CYP2F1: variants seen among roughly 807,000 people sequenced by gnomAD.
The protein encoded by CYP2F1 is cytochrome P450 2F1.
Under a neutral mutation model 40.4 loss-of-function variants are expected in CYP2F1, and 33 were observed. That is an observed-to-expected ratio of 0.82 (90% confidence interval 0.62 to 1.09). The LOEUF (loss-of-function observed/expected upper bound fraction) is 1.09, where lower values mean the gene tolerates loss of function less well. Ranked by LOEUF, CYP2F1 falls within the 50% of genes least tolerant of loss-of-function variation. The pLI is 0.00. For synonymous variants in CYP2F1, 235 were observed against 277.2 expected, an observed-to-expected ratio of 0.85 and a Z score of 1.51; for missense variants, 566 against 655.7, an observed-to-expected ratio of 0.86 and a Z score of 1.49.
rs1167891941 is a variant in CYP2F1, at chr19:41,125,134, C to T, written c.1152+228C>T. ...ACTAGACCCCTTCACCATGACAAATCCCCTTCCTAGAACCCCTCCCTGGAA... is the reference window on the plus strand; with the variant it reads ...ACTAGACCCCTTCACCATGACAAATTCCCTTCCTAGAACCCCTCCCTGGAA... On this transcript the variant is annotated intron_variant, in intron 8 of 9. Coordinates refer to ENST00000331105, the MANE Select transcript of CYP2F1 (RefSeq NM_000774.5). 8 of 566,662 alleles carry T rather than the reference C, an allele frequency of 1.4e-5. No homozygotes were observed. In the South Asian group the frequency reaches 1.8e-4, roughly 13 times the overall value. The allele number at this position is 566,662 out of a possible 1,614,324, so 35.1% of individuals were successfully genotyped here.
Position 41,124,721 on chromosome 19 carries a change from C to G in CYP2F1, c.967C>G (p.Arg323Gly). ...CCCGCTTCCCGCTTCCTCTCCAGCC[C>G]GCGTGCAGGAGGAGATCGACCTCGT... is the stretch of plus-strand genomic sequence containing the variant. Reference protein sequence around the residue: ...ALMKYPKVQARVQEEIDLVVG... With the variant: ...ALMKYPKVQAGVQEEIDLVVG... The change falls in exon 8 of 10, where the codon CGC becomes GGC. Residue 323 changes from arginine to glycine, a missense_variant and splice_region_variant. Physicochemically the swap from Arg to Gly is moderately radical, Grantham distance 125 (BLOSUM62 -2). Around this residue, in one of 5 missense-constraint regions of CYP2F1, gnomAD observed 128 missense variants for 121.0 expected, o/e 1.06. Coordinates refer to ENST00000331105, the MANE Select transcript of CYP2F1 (RefSeq NM_000774.5). 1.2e-6 allele frequency: 2 copies of G among 1,600,406 alleles called. No homozygotes were observed. The highest frequency in any genetic ancestry group is 1.7e-6 in the Non-Finnish European group (2 of 1,178,696).
chr19:41,116,271 G>C lies in CYP2F1; in HGVS notation c.83G>C (p.Gly28Ala), dbSNP rs1378332512. ...LLLTLSSRDKGKLPPGPRPLS... is the reference protein window; with the variant it reads ...LLLTLSSRDKAKLPPGPRPLS... ...CTGACCCTAAGCTCAAGAGATAAGG[G>C]AAAGCTGCCTCCGGGACCCAGACCC... The change falls in exon 2 of 10, where the codon GGA becomes GCA. Residue 28 changes from glycine (G) to alanine (A), a missense_variant. Gly to Ala is a moderately conservative substitution (Grantham distance 60). Around this residue, in one of 5 missense-constraint regions of CYP2F1, gnomAD observed 264 missense variants for 275.7 expected, o/e 0.96. Coordinates refer to ENST00000331105, the MANE Select transcript of CYP2F1 (RefSeq NM_000774.5). 4 of 1,613,986 alleles carry C rather than the reference G, an allele frequency of 2.5e-6. No homozygotes were observed. The highest frequency in any genetic ancestry group is 2.2e-5 in the South Asian group (2 of 91,080).
At chr19:41,126,081 C>T (rs550654801) in intron 9 of CYP2F1, among the ~76,000 whole-genome samples, 2 of 150,964 alleles carry the variant, frequency 1.3e-5, no homozygotes, top group South Asian at 2.1e-4. Context: ...TGCAGTGAGC[C>T]GAGATTGCAC....
At chr19:41,120,865 G>C (rs1311840061) in intron 4 of CYP2F1, among the ~76,000 whole-genome samples, 1 of 151,428 alleles carries the variant, frequency 6.6e-6, no homozygotes, top group Non-Finnish European at 1.5e-5. Flanking sequence ...CTGTCCCCCA[G>C]GCTGGAGTGC....
chr19:41,118,003 C>A (rs1308925826), intron 3 of CYP2F1, among the ~76,000 whole-genome samples: 1 of 152,056 alleles, frequency 6.6e-6, no homozygotes, highest in South Asian at 2.1e-4. Context: ...ACACCTGCCA[C>A]CATGCCCAGC....
intron 7 of CYP2F1, chr19:41,123,351 AAGTAGCTGGGATTACAC>A: frequency 2.8e-6 from 1 of 362,514 alleles, no homozygotes; most frequent in Non-Finnish European, 5.5e-6. Flanking sequence ...ACAGCCTCCC[AAGTAGCTGGGATTACAC>A]CACCACATCC....
intron 3 of CYP2F1, among the ~76,000 whole-genome samples, chr19:41,117,944 G>A (rs2031922109): frequency 6.6e-6 from 1 of 152,056 alleles, no homozygotes; most frequent in African/African-American, 2.4e-5. Flanking sequence ...CCGCCTCCCA[G>A]GTTGATGCCA....
intron 3 of CYP2F1, among the ~76,000 whole-genome samples, chr19:41,117,788 C>G (rs1006229618): frequency 6.6e-6 from 1 of 152,130 alleles, no homozygotes; most frequent in Non-Finnish European, 1.5e-5. Flanking sequence ...AATATCTTGT[C>G]CCTCTAAGGC....
rs369493486 is a variant in CYP2F1, at chr19:41,124,781, C to T, written c.1027C>T (p.Arg343Cys). The change falls in exon 8 of 10, where the codon CGC becomes TGC. Residue 343 changes from arginine to cysteine, a missense_variant. Physicochemically the swap from Arg to Cys is radical, Grantham distance 180 (BLOSUM62 -3). Around this residue, in one of 5 missense-constraint regions of CYP2F1, gnomAD observed 128 missense variants for 121.0 expected, o/e 1.06. Coordinates refer to ENST00000331105, the MANE Select transcript of CYP2F1 (RefSeq NM_000774.5). ...CGCGCGGCTGCCGGCGCTGAAGGAC[C>T]GCGCGGCCATGCCTTACACAGACGC... ...GRARLPALKD[R>C]AAMPYTDAVI... The T allele has an allele frequency of 5.6e-6, 9 of 1,609,756 alleles. No homozygotes were observed. Among genetic ancestry groups the T allele is most frequent in the Admixed American group, 1.7e-5 (1 of 59,932 alleles).
Position 41,116,504 on chromosome 19 carries a change from G to T in CYP2F1, c.221G>T (p.Arg74Leu). 6.2e-7 allele frequency: 1 copy of T among 1,614,000 alleles called. No individual in the cohort carries two copies. The highest frequency in any genetic ancestry group is 8.5e-7 in the Non-Finnish European group (1 of 1,179,974). Residue 74 changes from arginine (R) to leucine (L), a missense_variant, in exon 3 of 10, where the codon CGG (arginine) becomes CTG (leucine). Around this residue, in one of 5 missense-constraint regions of CYP2F1, gnomAD observed 264 missense variants for 275.7 expected, o/e 0.96. Coordinates refer to ENST00000331105, the MANE Select transcript of CYP2F1 (RefSeq NM_000774.5). ...SMYTVHLGPR[R>L]VVVLSGYQAV... ...TACACAGTGCACCTGGGACCCAGGCGGGTGGTGGTCCTCAGCGGGTACCAA... is the reference window on the plus strand; with the variant it reads ...TACACAGTGCACCTGGGACCCAGGCTGGTGGTGGTCCTCAGCGGGTACCAA...
chr19:41,126,775 C>T (rs532920956), intron 9 of CYP2F1, among the ~76,000 whole-genome samples: 1 of 151,554 alleles, frequency 6.6e-6, no homozygotes, highest in South Asian at 2.1e-4. Flanking sequence ...TACTGACTAG[C>T]CAAAAATAAA....
At position 41,122,859 on chromosome 19, in the gene CYP2F1, C is replaced by T. The variant is rs564173383; in HGVS notation, c.860C>T (p.Thr287Ile). Residue 287 changes from threonine to isoleucine, a missense_variant, in exon 7 of 10, where the codon ACC becomes ATC. Physicochemically the swap from Thr to Ile is moderately conservative, Grantham distance 89. Around this residue, in one of 5 missense-constraint regions of CYP2F1, gnomAD observed 62 missense variants for 105.6 expected, o/e 0.59. Coordinates refer to ENST00000331105, the MANE Select transcript of CYP2F1 (RefSeq NM_000774.5). ...CCACTGAGCCACTTCCACATGGATACCCTGCTGATGACCACACATAACCTG... is the reference window on the plus strand; with the variant it reads ...CCACTGAGCCACTTCCACATGGATATCCTGCTGATGACCACACATAACCTG... Reference protein sequence around the residue: ...EDPLSHFHMDTLLMTTHNLLF... With the variant: ...EDPLSHFHMDILLMTTHNLLF... 6.4e-7 allele frequency: 1 copy of T among 1,563,982 alleles called. No homozygotes were observed. Among genetic ancestry groups the T allele is most frequent in the African/African-American group, 1.4e-5 (1 of 73,796 alleles).
chr19:41,114,726 T>C (rs541737409), intron 1 of CYP2F1, among the ~76,000 whole-genome samples: 1 of 152,022 alleles, frequency 6.6e-6, no homozygotes, highest in Non-Finnish European at 1.5e-5. Context: ...GATTTTTTCC[T>C]GTCACTGTTT....
At chr19:41,127,416 GC>G (rs1311474253) in intron 9 of CYP2F1, among the ~76,000 whole-genome samples, 2 of 152,118 alleles carry the variant, frequency 1.3e-5, no homozygotes, top group Non-Finnish European at 2.9e-5. Context: ...GCTCACTGCA[GC>G]CTTGATCTCC....
intron 9 of CYP2F1, among the ~76,000 whole-genome samples, chr19:41,126,830 T>A (rs1180996647): frequency 6.7e-6 from 1 of 150,292 alleles, no homozygotes; most frequent in Admixed American, 6.6e-5. Context: ...AACTTGGGAG[T>A]GGTCATTGTT....
chr19:41,127,809 C>T lies in CYP2F1; in HGVS notation c.1295-92C>T. The T allele has an allele frequency of 5.3e-6, 5 of 936,656 alleles. No homozygotes were observed. In the South Asian group the frequency reaches 8.2e-5, roughly 15 times the overall value. The allele number at this position is 936,656 out of a possible 1,614,324, so 58.0% of individuals were successfully genotyped here. A position where few individuals can be genotyped will look rare whatever the true frequency, so the allele number is the denominator to read the frequency against. ...TGTGACGTCCCCAGCTGCTGTCTTC[C>T]TTTCCTCTTATGTTTTCCTCTGGGA... On this transcript the variant is annotated intron_variant, in intron 9 of 9. Coordinates refer to ENST00000331105, the MANE Select transcript of CYP2F1 (RefSeq NM_000774.5).
chr19:41,116,380 G>T (rs776980284), intron 2 of CYP2F1, 21 bp downstream of exon 2: 2 of 1,612,512 alleles, frequency 1.2e-6, no homozygotes, highest in Non-Finnish European at 1.7e-6. Context: ...CTTAGCTTGG[G>T]TGATGGTGGA....
At chr19:41,118,603 G>C (rs1053120848) in intron 3 of CYP2F1, among the ~76,000 whole-genome samples, 1 of 152,196 alleles carries the variant, frequency 6.6e-6, no homozygotes, top group Non-Finnish European at 1.5e-5. Context: ...CAGGGCACTT[G>C]AGAAAGTCAC....
chr19:41,115,622 G>T (rs1468334193), intron 1 of CYP2F1, among the ~76,000 whole-genome samples: 1 of 152,070 alleles, frequency 6.6e-6, no homozygotes, highest in Non-Finnish European at 1.5e-5. Context: ...GATAATAGAT[G>T]ATAGATAATA....
Sources: gnomAD v4.1 joint callset for allele counts (sites outside exome capture counted in the v4.1 genomes callset) on GRCh38, gnomAD v4.1.1 for gene constraint, gnomAD v4.1.1 regional missense constraint, MANE v1.5 for transcripts, NCBI Gene and HGNC (gene_info 2026-07-23, HGNC 2026-07-21) for gene names.